CAPZB: variants seen among roughly 807,000 people sequenced by gnomAD.
The protein encoded by CAPZB is F-actin-capping protein subunit beta.
Under a neutral mutation model 38.1 loss-of-function variants are expected in CAPZB, and 2 were observed. That is an observed-to-expected ratio of 0.05 (90% CI 0.02 to 0.17). The LOEUF is 0.17. Ranked by LOEUF, CAPZB falls within the 10% of genes least tolerant of loss-of-function variation. The pLI is 1.00. For synonymous variants in CAPZB, 107 were observed against 127.4 expected (o/e 0.84, Z 1.08); for missense variants, 161 against 334.2 (o/e 0.48, Z 4.04).
intron 2 of CAPZB, among the ~76,000 whole-genome samples, chr1:19,394,064 G>C (rs566023009): frequency 4.6e-5 from 7 of 152,220 alleles, no homozygotes; most frequent in Admixed American, 1.3e-4. Flanking sequence ...GCAGTGGCGC[G>C]ATCTCGGCTC....
In CAPZB at chr1:19,363,261, T is replaced by A. The variant is rs1246215665; in HGVS notation, c.330-5698A>T. Among the ~76,000 whole-genome samples the A allele has an allele frequency of 0.01, 189 of 18,794 alleles. 3 individuals are homozygous for A. The East Asian group carries it at 0.18, about 18-fold the overall frequency. The allele number at this position is 18,794 out of a possible 152,430, so 12.3% of individuals were successfully genotyped here. A position where few individuals can be genotyped will look rare whatever the true frequency, so the allele number is the denominator to read the frequency against. ...CATGCATGGCTAATTAAAAAAAAAA[T>A]TTTTTTTTTTTTTTTTTTAGAGACA... On this transcript the variant is annotated intron_variant, in intron 4 of 8. Coordinates refer to ENST00000264202, the MANE Select transcript of CAPZB (RefSeq NM_004930.5).
At chr1:19,446,126 C>A (rs956898512) in intron 1 of CAPZB, among the ~76,000 whole-genome samples, 58 of 152,108 alleles carry the variant, frequency 3.8e-4, no homozygotes, top group African/African-American at 1.3e-3. Context: ...AGAGCGCCAG[C>A]CCTGAAAATG....
chr1:19,340,848 T>C (rs1156952197), intron 8 of CAPZB, among the ~76,000 whole-genome samples: 1 of 152,104 alleles, frequency 6.6e-6, no homozygotes, highest in East Asian at 1.9e-4. Flanking sequence ...TTTATAACAG[T>C]TTAGAAGCAG....
At chr1:19,399,719 T>C (rs547910636) in intron 2 of CAPZB, among the ~76,000 whole-genome samples, 118 of 152,274 alleles carry the variant, frequency 7.7e-4, no homozygotes, top group South Asian at 2.9e-3. Flanking sequence ...ACCTGGTTTA[T>C]TCAAGTTCTA....
intron 2 of CAPZB, among the ~76,000 whole-genome samples, chr1:19,412,240 GATTCCATCC>G (rs2094360218): frequency 6.6e-6 from 1 of 152,184 alleles, no homozygotes; most frequent in Non-Finnish European, 1.5e-5. Flanking sequence ...TATTACCAGT[GATTCCATCC>G]ATTCCGCGGC....
rs529097416 is a variant in CAPZB, at chr1:19,458,376, G to A, written c.3+27060C>T. Among the ~76,000 whole-genome samples, 33 of 152,096 alleles carry A rather than the reference G, an allele frequency of 2.2e-4. No individual in the cohort carries two copies. In the South Asian group the frequency reaches 5.2e-3, roughly 24 times the overall value. On this transcript the variant is annotated intron_variant, in intron 1 of 8. Transcript: ENST00000264202. ...TTGTTTGTTTGCTTAATTTTGAGAC[G>A]GAGTTTCACTCCTGTTGCCCAGGCT...
chr1:19,339,706 G>T, intron 8 of CAPZB, 89 bp from the exon 9 acceptor site: 2 of 1,003,768 alleles, frequency 2.0e-6, no homozygotes, highest in Non-Finnish European at 3.2e-6. Flanking sequence ...GTGCCTGGCT[G>T]ATTTGCTGCA....
At chr1:19,346,807 CGACTTTT>C (rs1408818154) in intron 6 of CAPZB, among the ~76,000 whole-genome samples, 16 of 148,922 alleles carry the variant, frequency 1.1e-4, no homozygotes, top group African/African-American at 3.9e-4. Flanking sequence ...AGCACTGACC[CGACTTTT>C]GTCTTTTTTT....
chr1:19,364,937 TCTGGG>T (rs2094075312), intron 4 of CAPZB, among the ~76,000 whole-genome samples: 1 of 151,974 alleles, frequency 6.6e-6, no homozygotes, highest in South Asian at 2.1e-4. Flanking sequence ...GCCTCGACAT[TCTGGG>T]CTCAAGTGAT....
intron 6 of CAPZB, among the ~76,000 whole-genome samples, chr1:19,347,377 C>T (rs781636412): frequency 2.6e-5 from 4 of 152,018 alleles, no homozygotes; most frequent in South Asian, 2.1e-4. Flanking sequence ...TAAATAGGGT[C>T]GCATCCTTCT....
intron 1 of CAPZB, among the ~76,000 whole-genome samples, chr1:19,485,022 G>C (rs911744790): frequency 6.6e-6 from 1 of 152,016 alleles, no homozygotes; most frequent in Non-Finnish European, 1.5e-5. Context: ...AGGGAGAAAC[G>C]ACGGCCTAGC....
chr1:19,403,198 G>C (rs914412410), intron 2 of CAPZB, among the ~76,000 whole-genome samples: 1 of 152,182 alleles, frequency 6.6e-6, no homozygotes, highest in Admixed American at 6.5e-5. Flanking sequence ...TGCATTCATG[G>C]GGGCTCAAGT....
At chr1:19,440,992 G>A (rs868732051) in intron 1 of CAPZB, among the ~76,000 whole-genome samples, 5 of 152,120 alleles carry the variant, frequency 3.3e-5, no homozygotes, top group South Asian at 2.1e-4. Flanking sequence ...CCCGGGAGGC[G>A]GAGCTTGCAG....
intron 1 of CAPZB, among the ~76,000 whole-genome samples, chr1:19,434,646 T>A (rs1408935315): frequency 6.6e-6 from 1 of 152,020 alleles, no homozygotes; most frequent in Non-Finnish European, 1.5e-5. Context: ...TTATAATGTT[T>A]CTAGCCAACG....
intron 2 of CAPZB, among the ~76,000 whole-genome samples, chr1:19,394,084 T>G (rs2094253241): frequency 6.6e-6 from 1 of 152,278 alleles, no homozygotes; most frequent in South Asian, 2.1e-4. Flanking sequence ...CACTGCAACC[T>G]CTGCCTCCCA....
chr1:19,440,247 G>A (rs1304328215), intron 1 of CAPZB, among the ~76,000 whole-genome samples: 18 of 151,898 alleles, frequency 1.2e-4, no homozygotes, highest in African/African-American at 2.4e-5. Context: ...CATGTTACCC[G>A]GGCTGGTCTT....
intron 3 of CAPZB, among the ~76,000 whole-genome samples, chr1:19,381,287 A>C (rs1570053752): frequency 2.3e-5 from 3 of 132,806 alleles, no homozygotes; most frequent in Non-Finnish European, 1.6e-5. Context: ...AGAACCAACC[A>C]CTCCCTCCTC....
chr1:19,461,931 G>A (rs1184930595), intron 1 of CAPZB, among the ~76,000 whole-genome samples: 1 of 152,164 alleles, frequency 6.6e-6, no homozygotes, highest in African/African-American at 2.4e-5. Context: ...CTTGAATACT[G>A]TCTCTGGCAC....
chr1:19,379,478 C>T (rs1302886776), intron 3 of CAPZB, among the ~76,000 whole-genome samples: 1 of 152,172 alleles, frequency 6.6e-6, no homozygotes, highest in East Asian at 1.9e-4. Flanking sequence ...AACTTTAAGA[C>T]CTTCTTACAT....
Sources: allele counts gnomAD v4.1 joint callset (sites outside exome capture counted in the v4.1 genomes callset), GRCh38; gene constraint gnomAD v4.1.1; transcripts MANE v1.5; gene names NCBI Gene and HGNC (gene_info 2026-07-23, HGNC 2026-07-21).